Variants in TMEM132D observed in about 807,000 individuals in gnomAD.
The protein encoded by TMEM132D is transmembrane protein 132D, also known as mature OL transmembrane protein.
In TMEM132D, 21 loss-of-function variants were observed where a neutral mutation model predicts 62.3. The ratio of observed to expected loss-of-function variants is 0.34; its 90% CI spans 0.24 to 0.49. The LOEUF (loss-of-function observed/expected upper bound fraction) is 0.49, where lower values mean the gene tolerates loss of function less well. Among genes scored for constraint, TMEM132D ranks in the 20% least tolerant of loss-of-function variants. TMEM132D has a pLI of 0.99. For missense variants in TMEM132D, 1,346 were observed against 1,402.8 expected, an observed-to-expected ratio of 0.96 and a Z score of 0.65; for synonymous variants, 621 against 575.6, an observed-to-expected ratio of 1.08 and a Z score of -1.13.
intron 4 of TMEM132D, among the ~76,000 whole-genome samples, chr12:129,334,636 G>T (rs900476578): frequency 6.6e-6 from 1 of 152,124 alleles, no homozygotes; most frequent in Non-Finnish European, 1.5e-5. Context: ...TTTTTGAGAT[G>T]AAGTATTGCT....
chr12:129,466,426 C>T (rs370157977), intron 3 of TMEM132D, among the ~76,000 whole-genome samples: 4 of 151,724 alleles, frequency 2.6e-5, no homozygotes, highest in African/African-American at 9.7e-5. Flanking sequence ...ATCCTCCCCG[C>T]CCCCGTCCTA....
intron 5 of TMEM132D, among the ~76,000 whole-genome samples, chr12:129,165,879 C>T (rs1417870538): frequency 6.6e-6 from 1 of 152,142 alleles, no homozygotes; most frequent in African/African-American, 2.4e-5. Context: ...GGCATGACCC[C>T]GGGCATGATG....
At chr12:129,795,613 C>T (rs1041204235) in intron 1 of TMEM132D, among the ~76,000 whole-genome samples, 7 of 152,124 alleles carry the variant, frequency 4.6e-5, no homozygotes, top group Middle Eastern at 3.2e-3. Flanking sequence ...AGCTGCTGGA[C>T]GGAGACAGAC....
At chr12:129,445,891 G>T (rs754763749) in intron 3 of TMEM132D, among the ~76,000 whole-genome samples, 2 of 152,164 alleles carry the variant, frequency 1.3e-5, no homozygotes, top group Non-Finnish European at 2.9e-5. Flanking sequence ...GCAGAACAAG[G>T]TAGAGGGAAA....
chr12:129,336,704 C>T (rs1267985363), intron 4 of TMEM132D, among the ~76,000 whole-genome samples: 1 of 152,008 alleles, frequency 6.6e-6, no homozygotes, highest in Non-Finnish European at 1.5e-5. Flanking sequence ...CCATGAGGAA[C>T]GATGGGGTTT....
chr12:129,633,633 G>A (rs1459159835), intron 2 of TMEM132D, among the ~76,000 whole-genome samples: 1 of 152,158 alleles, frequency 6.6e-6, no homozygotes, highest in Non-Finnish European at 1.5e-5. Flanking sequence ...AAGTACATCT[G>A]AATGGCATCT....
chr12:129,638,390 A>G (rs1033420172), intron 2 of TMEM132D, among the ~76,000 whole-genome samples: 3 of 151,844 alleles, frequency 2.0e-5, no homozygotes, highest in African/African-American at 7.3e-5. Context: ...CCTCGATTAC[A>G]CTACACATAA....
chr12:129,424,707 C>CAAAAA (rs11385383), intron 3 of TMEM132D, among the ~76,000 whole-genome samples: 14 of 31,794 alleles, frequency 4.4e-4, no homozygotes, highest in East Asian at 1.2e-3. Context: ...GACTCCATCT[C>CAAAAA]AAAAAAAAAA....
At chr12:129,619,561 C>T (rs1367229498) in intron 2 of TMEM132D, among the ~76,000 whole-genome samples, 1 of 152,230 alleles carries the variant, frequency 6.6e-6, no homozygotes, top group African/African-American at 2.4e-5. Flanking sequence ...CTCCCCCAGC[C>T]CCACCACCCA....
At position 129,463,490 on chromosome 12, in the gene TMEM132D, A is replaced by ATTATTATTT. The variant is rs1873758957; in HGVS notation, c.1115+67568_1115+67569insAAATAATAA. ...TTTATGTATTATTATTATTATTATTATACTTTAAGTTTTAGGGTACATGTG... is the reference window on the plus strand; with the variant it reads ...TTTATGTATTATTATTATTATTATTATTATTATTTTACTTTAAGTTTTAGGGTACATGTG... On this transcript the variant is annotated intron_variant, in intron 3 of 8. Transcript: ENST00000422113. Among the ~76,000 whole-genome samples the ATTATTATTT allele has an allele frequency of 4.2e-5, 6 of 143,762 alleles. No individual in the cohort carries two copies. In the South Asian group the frequency reaches 1.4e-3, roughly 32 times the overall value. 94.3% of individuals were successfully genotyped at this position (143,762 alleles called of 152,430 possible).
At chr12:129,463,937 G>C (rs1051555607) in intron 3 of TMEM132D, among the ~76,000 whole-genome samples, 2 of 149,744 alleles carry the variant, frequency 1.3e-5, no homozygotes, top group African/African-American at 4.9e-5. Context: ...ATAAACATAC[G>C]TGTGCATGTG....
intron 3 of TMEM132D, among the ~76,000 whole-genome samples, chr12:129,448,090 CGG>C (rs1566071611): frequency 1.3e-5 from 2 of 152,140 alleles, no homozygotes; most frequent in African/African-American, 4.8e-5. Flanking sequence ...ATATGGCCCA[CGG>C]ACTGTAGTCT....
At chr12:129,897,640 T>C (rs1356163330) in intron 1 of TMEM132D, among the ~76,000 whole-genome samples, 1 of 152,234 alleles carries the variant, frequency 6.6e-6, no homozygotes, top group Non-Finnish European at 1.5e-5. Flanking sequence ...GAATCTCTTC[T>C]ACCTCCCTGG....
intron 4 of TMEM132D, among the ~76,000 whole-genome samples, chr12:129,219,805 T>C (rs1463854190): frequency 6.6e-6 from 1 of 152,178 alleles, no homozygotes; most frequent in African/African-American, 2.4e-5. Context: ...GTGGTAGCCC[T>C]GCAGGTCATC....
chr12:129,425,594 A>C (rs1872472549), intron 3 of TMEM132D, among the ~76,000 whole-genome samples: 1 of 152,078 alleles, frequency 6.6e-6, no homozygotes, highest in Admixed American at 6.6e-5. Flanking sequence ...ACAACCCCCT[A>C]ATACATCCTA....
chr12:129,412,903 G>C (rs778267442), intron 3 of TMEM132D, among the ~76,000 whole-genome samples: 6 of 152,110 alleles, frequency 3.9e-5, no homozygotes, highest in Non-Finnish European at 5.9e-5. Context: ...TTTTAGGATG[G>C]AAGAATGGAA....
chr12:129,524,302 C>A lies in TMEM132D; in HGVS notation c.1115+6757G>T, dbSNP rs367681435. On this transcript the variant is annotated intron_variant, in intron 3 of 8. Transcript: ENST00000422113. ...AGCCATGTCCTTATGCCATCTATAC[C>A]TGTATTAACTCAGTATTTTTCTCTA... Among the ~76,000 whole-genome samples the A allele has an allele frequency of 3.6e-4, 55 of 152,100 alleles. No homozygotes were observed. In the East Asian group the frequency reaches 9.3e-3, roughly 26 times the overall value.
At chr12:129,698,391 C>A (rs1881257051) in intron 2 of TMEM132D, among the ~76,000 whole-genome samples, 1 of 151,114 alleles carries the variant, frequency 6.6e-6, no homozygotes, top group Non-Finnish European at 1.5e-5. Flanking sequence ...CCATTAGGTT[C>A]TGTTTCTTTA....
At chr12:129,075,113 C>T (rs2135605993) in intron 8 of TMEM132D, 54 bp from the exon 9 acceptor site, 1 of 1,490,254 alleles carries the variant, frequency 6.7e-7, no homozygotes, top group Admixed American at 1.9e-5. Flanking sequence ...TCATTGAGCC[C>T]CAAGTCTTAG....
Sources: allele counts gnomAD v4.1 joint callset (sites outside exome capture counted in the v4.1 genomes callset), GRCh38; gene constraint gnomAD v4.1.1; transcripts MANE v1.5; gene names NCBI Gene and HGNC (gene_info 2026-07-23, HGNC 2026-07-21).